IKBIP: variants seen among roughly 807,000 people sequenced by gnomAD.
The protein encoded by IKBIP is IKBKB interacting protein.
IKBIP carries 28 observed loss-of-function variants against 31.0 expected under a neutral mutation model. The observed-to-expected ratio is 0.90, with a 90% CI of 0.67 to 1.24. The LOEUF is 1.24. IKBIP is among the 50% of genes most tolerant of loss of function. The pLI, the probability that IKBIP is intolerant of heterozygous loss-of-function variation, is 0.00. For missense variants in IKBIP, 453 were observed against 441.9 expected (o/e 1.03, Z -0.23); for synonymous variants, 164 against 160.3 (o/e 1.02, Z -0.17).
intron 1 of IKBIP, among the ~76,000 whole-genome samples, chr12:98,643,242 C>T (rs903918271): frequency 5.3e-5 from 8 of 152,154 alleles, no homozygotes; most frequent in Middle Eastern, 3.2e-3. Context: ...TGAGCCACCG[C>T]GCCCAGCCGT....
rs1467576836 is a variant in IKBIP, at chr12:98,626,403, C to T, written c.661G>A (p.Glu221Lys). The T allele has an allele frequency of 6.2e-7, 1 of 1,613,570 alleles. No individual in the cohort carries two copies. The highest frequency in any genetic ancestry group is 8.5e-7 in the Non-Finnish European group (1 of 1,180,034). ...RNIRTVKRQE[E>K]EDLLRVEEQL... The stretch of plus-strand genomic sequence containing the variant: ...TCCTCTACTCGCAGGAGATCTTCTT[C>T]TTCTTGTCTTTTTACTGTTCTAATA... The change falls in exon 3 of 3, where the codon GAA becomes AAA. Residue 221 changes from glutamate (E) to lysine (K), a missense_variant. Physicochemically the swap from Glu to Lys is moderately conservative, Grantham distance 56 (BLOSUM62 1). Coordinates refer to ENST00000299157, the MANE Select transcript of IKBIP (RefSeq NM_153687.4).
At chr12:98,619,838 C>T (rs946784978), downstream of IKBIP, among the ~76,000 whole-genome samples, 1 of 142,702 alleles carries the variant, frequency 7.0e-6, no homozygotes, top group Non-Finnish European at 1.5e-5. Flanking sequence ...TGCCACTGCA[C>T]TCCAGTCTGG....
exon 3 of IKBIP, chr12:98,614,148 T>C: frequency 6.2e-7 from 1 of 1,613,650 alleles, no homozygotes; most frequent in South Asian, 1.1e-5. Flanking sequence ...TCTTTTGCCA[T>C]GGAAGTTGTA....
chr12:98,626,730 A>C lies in IKBIP; in HGVS notation c.334T>G (p.Ser112Ala). ...AACTGGGTCATCAAAGACATGGATG[A>C]TGTAGCTTCCTGCAGGATGCTTTCA... is the stretch of plus-strand genomic sequence containing the variant. Reference protein sequence around the residue: ...STESILQEATSSMSLMTQFEQ... With the variant: ...STESILQEATASMSLMTQFEQ... Residue 112 changes from serine (S) to alanine (A), a missense_variant, in exon 3 of 3, where the codon TCA (serine) becomes GCA (alanine). Coordinates refer to ENST00000299157, the MANE Select transcript of IKBIP (RefSeq NM_153687.4). The C allele has an allele frequency of 6.2e-7, 1 of 1,611,672 alleles. No individual in the cohort carries two copies. The highest frequency in any genetic ancestry group is 8.5e-7 in the Non-Finnish European group (1 of 1,178,478).
chr12:98,616,740 T>G (rs1010621023), intron 2 of IKBIP, among the ~76,000 whole-genome samples: 1 of 152,204 alleles, frequency 6.6e-6, no homozygotes. Context: ...ATTAAAGAGA[T>G]GTCCTTTCCC....
chr12:98,613,887 T>G (rs757815097), exon 3 of IKBIP: 2 of 1,613,418 alleles, frequency 1.2e-6, no homozygotes, highest in African/African-American at 2.7e-5. Context: ...TCGAAGTCAC[T>G]CTTTAGTTCG....
In IKBIP at chr12:98,626,249, T is replaced by C. The variant is rs1051783913; in HGVS notation, c.815A>G (p.His272Arg). 11 of 1,614,060 alleles carry C rather than the reference T, an allele frequency of 6.8e-6. No individual in the cohort carries two copies. The highest frequency in any genetic ancestry group is 2.2e-5 in the East Asian group (1 of 44,894). ...YEPKVEECKT[H>R]LPTIESAIHS... ...AATAGCACTTTCAATTGTTGGCAAA[T>C]GTGTCTTGCATTCTTCAACTTTGGG... The change falls in exon 3 of 3, where the codon CAT (histidine) becomes CGT (arginine). Residue 272 changes from histidine to arginine, a missense_variant. Coordinates refer to ENST00000299157, the MANE Select transcript of IKBIP (RefSeq NM_153687.4).
rs1479708448 is a variant in IKBIP at position 98,624,600 on chromosome 12, C to T, written c.*1330G>A. On this transcript the variant is annotated 3_prime_UTR_variant, in exon 3 of 3. Transcript: ENST00000299157. ...ATTATAAAACTGGTAAGGTTATTGA[C>T]AAAGAAACAAGAACAAACTTCCATA... 6.5e-6 allele frequency: 6 copies of T among 923,250 alleles called. No individual in the cohort carries two copies. The highest frequency in any genetic ancestry group is 6.5e-6 in the Non-Finnish European group (5 of 773,636). 57.2% of individuals were successfully genotyped at this position (923,250 alleles called of 1,614,324 possible). A position where few individuals can be genotyped will look rare whatever the true frequency, so the allele number is the denominator to read the frequency against.
chr12:98,632,468 G>A (rs1413058536), intron 2 of IKBIP, among the ~76,000 whole-genome samples: 1 of 100,910 alleles, frequency 9.9e-6, no homozygotes, highest in African/African-American at 3.9e-5. Flanking sequence ...GGGATGACAG[G>A]GAGAGACTCT....
At chr12:98,619,172 G>A (rs2097608174) in intron 2 of IKBIP, among the ~76,000 whole-genome samples, 2 of 152,218 alleles carry the variant, frequency 1.3e-5, no homozygotes, top group South Asian at 4.1e-4. Context: ...AAACCAAGAA[G>A]TGATTGCAAA....
At chr12:98,617,328 G>A (rs1379137651) in intron 2 of IKBIP, among the ~76,000 whole-genome samples, 1 of 152,176 alleles carries the variant, frequency 6.6e-6, no homozygotes, top group Non-Finnish European at 1.5e-5. Context: ...ATTATGAACT[G>A]AAAGCTCTTA....
chr12:98,621,031 T>A (rs1015999423), downstream of IKBIP, among the ~76,000 whole-genome samples: 17 of 152,038 alleles, frequency 1.1e-4, no homozygotes, highest in African/African-American at 4.1e-4. Flanking sequence ...GTGGATCACC[T>A]GAGGTCAGGA....
intron 1 of IKBIP, among the ~76,000 whole-genome samples, chr12:98,643,817 C>CTT (rs1163038325): frequency 1.1e-3 from 144 of 136,904 alleles, no homozygotes; most frequent in South Asian, 4.4e-3. Flanking sequence ...ATATGGTTTT[C>CTT]TTTTTTTTTT....
intron 1 of IKBIP, among the ~76,000 whole-genome samples, chr12:98,639,042 T>G (rs1327174749): frequency 6.6e-6 from 1 of 152,004 alleles, no homozygotes; most frequent in Non-Finnish European, 1.5e-5. Flanking sequence ...CTGTGGCCCC[T>G]TTTTTTTCTC....
In IKBIP at chr12:98,628,962, T is replaced by G. The variant is rs187261552; in HGVS notation, c.298-2196A>C. ...GGGCAATGGATGCTTTGAGGAGAGA[T>G]AAAAAGTTAGGAGGGCAATGCGAAA... On this transcript the variant is annotated intron_variant, in intron 2 of 2. Transcript: ENST00000299157. Among the ~76,000 whole-genome samples, 839 of 152,114 alleles carry G rather than the reference T, an allele frequency of 5.5e-3. 5 individuals are homozygous for G. The highest frequency in any genetic ancestry group is 8.0e-3 in the Non-Finnish European group (543 of 67,972).
chr12:98,634,179 A>G, intron 2 of IKBIP, 117 bp downstream of exon 2: 1 of 618,796 alleles, frequency 1.6e-6, no homozygotes, highest in Non-Finnish European at 2.9e-6. Context: ...GATCAGTGAG[A>G]GTTAAAATAG....
At position 98,626,523 on chromosome 12, in the gene IKBIP, GTA is replaced by G. The variant is rs750601900; in HGVS notation, c.539_540del (p.Ile180ThrfsTer9). On this transcript the variant is annotated frameshift_variant, in exon 3 of 3. Coordinates refer to ENST00000299157, the MANE Select transcript of IKBIP (RefSeq NM_153687.4). LOFTEE classifies it high-confidence loss of function. ...TTAATTTGGACAGTTACTTGAGAAT[GTA>G]TATGTTTTGCTTCTGATTTGAAAAT... ...TDIFKSEAKH[I>X]HSQVTVQINS... The G allele has an allele frequency of 3.4e-5, 55 of 1,613,098 alleles. No individual in the cohort carries two copies. The highest frequency in any genetic ancestry group is 4.3e-5 in the Non-Finnish European group (51 of 1,179,706).
At chr12:98,622,022 G>A (rs911739796), downstream of IKBIP, among the ~76,000 whole-genome samples, 9 of 150,754 alleles carry the variant, frequency 6.0e-5, no homozygotes, top group African/African-American at 2.2e-4. Flanking sequence ...GTTGCAGTGA[G>A]CTGAGATCGC....
chr12:98,630,943 T>C (rs1369489084), intron 2 of IKBIP, among the ~76,000 whole-genome samples: 2 of 152,094 alleles, frequency 1.3e-5, no homozygotes, highest in Non-Finnish European at 2.9e-5. Context: ...TTTTCATTTT[T>C]TTTTTTGAGA....
Sources: gnomAD v4.1 joint callset for allele counts (sites outside exome capture counted in the v4.1 genomes callset) on GRCh38, gnomAD v4.1.1 for gene constraint, MANE v1.5 for transcripts, NCBI Gene and HGNC (gene_info 2026-07-23, HGNC 2026-07-21) for gene names.